The following HMOX2 variants were observed in gnomAD, a reference collection of about 807,000 sequenced individuals.
HMOX2 encodes heme oxygenase (decycling) 2.
HMOX2 carries 30 observed loss-of-function variants against 33.7 expected under a neutral mutation model. That is an observed-to-expected ratio of 0.89 (90% confidence interval 0.67 to 1.21). The LOEUF (loss-of-function observed/expected upper bound fraction) is 1.21. Among genes scored for constraint, HMOX2 ranks in the 50% most tolerant of loss-of-function variants. The probability of loss-of-function intolerance (pLI) is 0.00; values close to 1 mark genes in which losing one functional copy is unlikely to be tolerated. For synonymous variants in HMOX2, 155 were observed against 155.0 expected (o/e 1.00, Z 0.00); for missense variants, 403 against 399.1 (o/e 1.01, Z -0.08).
At chr16:4,501,849 G>A (rs1361716082) in intron 1 of HMOX2, among the ~76,000 whole-genome samples, 1 of 152,154 alleles carries the variant, frequency 6.6e-6, no homozygotes. Flanking sequence ...CCACAGGGTC[G>A]CCTCCCCTGG....
Position 4,507,807 on chromosome 16 carries a change from C to G in HMOX2, c.299C>G (p.Pro100Arg). The G allele has an allele frequency of 6.2e-7, 1 of 1,614,178 alleles. No homozygotes were observed. The highest frequency in any genetic ancestry group is 8.5e-7 in the Non-Finnish European group (1 of 1,180,032). The change falls in exon 4 of 6, where the codon CCC (proline) becomes CGC (arginine). Residue 100 changes from proline (P) to arginine (R), a missense_variant. Pro to Arg is a moderately radical substitution (Grantham distance 103). Coordinates refer to ENST00000570646, the MANE Select transcript of HMOX2 (RefSeq NM_002134.4). ...CCAGCCTTTGCCCCTTTGTACTTCC[C>G]CATGGAGCTGCACCGGAAGGAGGCG... ...DHPAFAPLYF[P>R]MELHRKEALT...
chr16:4,500,768 T>C (rs1330469048), intron 1 of HMOX2, among the ~76,000 whole-genome samples: 1 of 152,180 alleles, frequency 6.6e-6, no homozygotes, highest in Non-Finnish European at 1.5e-5. Context: ...ATGCCAGCAA[T>C]TTAGCAGGAG....
chr16:4,509,308 C>G, intron 4 of HMOX2, 104 bp from the exon 5 acceptor site: 1 of 1,423,996 alleles, frequency 7.0e-7, no homozygotes, highest in Non-Finnish European at 9.5e-7. Flanking sequence ...CATAACACTG[C>G]ACTCTAGCCT....
At chr16:4,495,284 C>T (rs920627193) in intron 1 of HMOX2, among the ~76,000 whole-genome samples, 2 of 152,154 alleles carry the variant, frequency 1.3e-5, no homozygotes, top group Admixed American at 6.5e-5. Context: ...CCCCTTACCA[C>T]TCTTTGGGTG....
In HMOX2 at chr16:4,506,518, C is replaced by T. The variant is rs1391515535; in HGVS notation, c.87-377C>T. Among the ~76,000 whole-genome samples, 30 of 152,204 alleles carry T rather than the reference C, an allele frequency of 2.0e-4. 1 individual carries two copies. Among genetic ancestry groups the T allele is most frequent in the Admixed American group, 2.0e-3 (30 of 15,284 alleles). On this transcript the variant is annotated intron_variant, in intron 2 of 5. Coordinates refer to ENST00000570646, the MANE Select transcript of HMOX2 (RefSeq NM_002134.4). ...TCCAGAAGACACGTTCCAAGGCAGGCTGTTCTTAGAGAAGCCAGCAAATAC... is the reference window on the plus strand; with the variant it reads ...TCCAGAAGACACGTTCCAAGGCAGGTTGTTCTTAGAGAAGCCAGCAAATAC...
intron 1 of HMOX2, among the ~76,000 whole-genome samples, chr16:4,497,709 A>AG (rs2035762158): frequency 6.6e-6 from 1 of 152,154 alleles, no homozygotes; most frequent in Non-Finnish European, 1.5e-5. Flanking sequence ...CCAGTAAAAA[A>AG]GCCTGCAAGA....
Position 4,508,030 on chromosome 16 carries a change from A to G in HMOX2, c.522A>G (p.Ala174=), listed in dbSNP as rs1200262241. 1 of 1,614,038 alleles carries G rather than the reference A, an allele frequency of 6.2e-7. No homozygotes were observed. The highest frequency in any genetic ancestry group is 1.1e-5 in the South Asian group (1 of 91,066). Residue 174 remains alanine, a synonymous_variant, in exon 4 of 6, where the codon GCA becomes GCG. Coordinates refer to ENST00000570646, the MANE Select transcript of HMOX2 (RefSeq NM_002134.4). Reference sequence around the variant, plus strand: ...TGCTGAAGAAGGTGGCCCAGCGAGCACTGAAACTCCCCAGCACAGGGGAAG... The same window carrying G: ...TGCTGAAGAAGGTGGCCCAGCGAGCGCTGAAACTCCCCAGCACAGGGGAAG... ...GQVLKKVAQR[A]LKLPSTGEGT...
Position 4,506,073 on chromosome 16 carries a change from GT to G in HMOX2, c.86+473del, listed in dbSNP as rs553928670. Among the ~76,000 whole-genome samples the G allele has an allele frequency of 1.3e-4, 19 of 149,616 alleles. No homozygotes were observed. In the South Asian group the frequency reaches 1.5e-3, roughly 12 times the overall value. On this transcript the variant is annotated intron_variant, in intron 2 of 5. Transcript: ENST00000570646. ...CTCTCATAGCCCTGTCATTGGCCAA[GT>G]TTTTTTTTTATCCCTTGAAATAATT...
intron 1 of HMOX2, among the ~76,000 whole-genome samples, chr16:4,505,088 G>C (rs548267938): frequency 1.3e-5 from 2 of 152,288 alleles, no homozygotes; most frequent in South Asian, 2.1e-4. Context: ...TGACTTGCCA[G>C]TGTCCCCCAC....
chr16:4,509,403 C>T lies in HMOX2; in HGVS notation c.697-9C>T. 1 of 1,613,528 alleles carries T rather than the reference C, an allele frequency of 6.2e-7. No homozygotes were observed. Among genetic ancestry groups the T allele is most frequent in the East Asian group, 2.2e-5 (1 of 44,876 alleles). ...CAAAGATGGCTCAGTCGATCCTCTG[C>T]TCCTGCAGATATTCAATGAACTGGA... On this transcript the variant is annotated splice_polypyrimidine_tract_variant and intron_variant, in intron 4 of 5. Transcript: ENST00000570646.
chr16:4,490,573 G>A (rs924717941), intron 1 of HMOX2, among the ~76,000 whole-genome samples: 1 of 152,088 alleles, frequency 6.6e-6, no homozygotes, highest in African/African-American at 2.4e-5. Context: ...TTTGTTACTG[G>A]GTTTGTTTTA....
At chr16:4,503,279 C>A (rs2058605543) in intron 1 of HMOX2, among the ~76,000 whole-genome samples, 1 of 152,186 alleles carries the variant, frequency 6.6e-6, no homozygotes, top group African/African-American at 2.4e-5. Flanking sequence ...CTACCCATTT[C>A]TGGCTTTGTT....
At chr16:4,501,263 A>G (rs1428008578) in intron 1 of HMOX2, among the ~76,000 whole-genome samples, 2 of 152,164 alleles carry the variant, frequency 1.3e-5, no homozygotes, top group African/African-American at 4.8e-5. Context: ...TAGCTCTCCA[A>G]ATTTCCCACT....
Position 4,508,178 on chromosome 16 carries a change from A to C in HMOX2, c.670A>C (p.Asn224His), listed in dbSNP as rs762353294. 3.1e-6 allele frequency: 5 copies of C among 1,611,940 alleles called. No homozygotes were observed. In the Admixed American group the frequency reaches 5.0e-5, roughly 16 times the overall value. Reference sequence around the variant, plus strand: ...CAAAGAGAGGATCGTGGAGGAGGCCAACAAGGCTTTTGAGTATAACATGCA... The same window carrying C: ...CAAAGAGAGGATCGTGGAGGAGGCCCACAAGGCTTTTGAGTATAACATGCA... Reference protein sequence around the residue: ...KTKERIVEEANKAFEYNMQIF... With the variant: ...KTKERIVEEAHKAFEYNMQIF... The change falls in exon 4 of 6, where the codon AAC becomes CAC. Residue 224 changes from asparagine to histidine, a missense_variant. Physicochemically the swap from Asn to His is moderately conservative, Grantham distance 68. Coordinates refer to ENST00000570646, the MANE Select transcript of HMOX2 (RefSeq NM_002134.4).
At chr16:4,494,495 T>A (rs1835125834) in intron 1 of HMOX2, among the ~76,000 whole-genome samples, 1 of 152,182 alleles carries the variant, frequency 6.6e-6, no homozygotes, top group African/African-American at 2.4e-5. Context: ...ACTGTGTCAC[T>A]TAGATTTTCT....
chr16:4,509,785 C>T lies in HMOX2; in HGVS notation c.*29C>T. 1 of 1,600,250 alleles carries T rather than the reference C, an allele frequency of 6.2e-7. No individual in the cohort carries two copies. Among genetic ancestry groups the T allele is most frequent in the Non-Finnish European group, 8.5e-7 (1 of 1,172,234 alleles). On this transcript the variant is annotated 3_prime_UTR_variant, in exon 6 of 6. Transcript: ENST00000570646. ...ACCCATCATGCCACACCGGTACCCT[C>T]CTCCCGACTGACCACTGGCCTACCC...
At chr16:4,492,135 G>A (rs1435045509) in intron 1 of HMOX2, among the ~76,000 whole-genome samples, 9 of 151,958 alleles carry the variant, frequency 5.9e-5, no homozygotes, top group South Asian at 2.1e-4. Context: ...CTAGGAGTTC[G>A]AGACCAGCCT....
intron 1 of HMOX2, among the ~76,000 whole-genome samples, chr16:4,481,388 A>ATTATAATG (rs1046058954): frequency 3.3e-5 from 5 of 151,736 alleles, no homozygotes; most frequent in African/African-American, 1.2e-4. Flanking sequence ...ACAATCTGGC[A>ATTATAATG]TTATAATGCC....
At chr16:4,499,032 A>G (rs1369048106) in intron 1 of HMOX2, among the ~76,000 whole-genome samples, 1 of 152,242 alleles carries the variant, frequency 6.6e-6, no homozygotes, top group Non-Finnish European at 1.5e-5. Flanking sequence ...TAGAAAGGGC[A>G]GATATTCCTA....
Sources: gnomAD v4.1 joint callset for allele counts (sites outside exome capture counted in the v4.1 genomes callset) on GRCh38, gnomAD v4.1.1 for gene constraint, MANE v1.5 for transcripts, NCBI Gene and HGNC (gene_info 2026-07-23, HGNC 2026-07-21) for gene names.